SH3RF3: variants seen among roughly 807,000 people sequenced by gnomAD.
SH3RF3 encodes the protein E3 ubiquitin-protein ligase SH3RF3.
SH3RF3 carries 29 observed loss-of-function variants against 66.3 expected under a neutral mutation model. The ratio of observed to expected loss-of-function variants is 0.44; its 90% CI spans 0.33 to 0.60. The LOEUF (loss-of-function observed/expected upper bound fraction) is 0.60. Among genes scored for constraint, SH3RF3 ranks in the 20% least tolerant of loss-of-function variants. SH3RF3 has a pLI of 0.04. For synonymous variants in SH3RF3, 583 were observed against 532.0 expected (o/e 1.10, Z -1.32); for missense variants, 1,194 against 1,190.9 (o/e 1.00, Z -0.04).
At chr2:109,363,528 T>C (rs1362486100) in intron 2 of SH3RF3, among the ~76,000 whole-genome samples, 5 of 152,206 alleles carry the variant, frequency 3.3e-5, no homozygotes, top group African/African-American at 1.2e-4. Context: ...ATAAAAGTTT[T>C]AAGTTTACTG....
At chr2:109,275,074 C>A (rs1680722766) in intron 1 of SH3RF3, among the ~76,000 whole-genome samples, 1 of 152,174 alleles carries the variant, frequency 6.6e-6, no homozygotes, top group Admixed American at 6.5e-5. Flanking sequence ...CATCTCAGAA[C>A]AGCTTCCACC....
chr2:109,463,831 C>T (rs1302907093), intron 8 of SH3RF3, among the ~76,000 whole-genome samples: 2 of 152,102 alleles, frequency 1.3e-5, no homozygotes, highest in Admixed American at 6.6e-5. Context: ...CAGTGGAGGC[C>T]CCTTTCTCCC....
chr2:109,328,477 C>T lies in SH3RF3; in HGVS notation c.574-19197C>T, dbSNP rs545558235. ...TGTATTTCCTGTAAACTGGTAGTTA[C>T]ATCTGAGGACTTGGCTAGATTCATT... On this transcript the variant is annotated intron_variant, in intron 1 of 9. Coordinates refer to ENST00000309415, the MANE Select transcript of SH3RF3 (RefSeq NM_001099289.3). Among the ~76,000 whole-genome samples, 3 of 152,330 alleles carry T rather than the reference C, an allele frequency of 2.0e-5. No individual in the cohort carries two copies. The South Asian group carries it at 6.2e-4, about 32-fold the overall frequency.
At chr2:109,335,680 C>T (rs940156232) in intron 1 of SH3RF3, among the ~76,000 whole-genome samples, 5 of 152,146 alleles carry the variant, frequency 3.3e-5, no homozygotes, top group Admixed American at 2.6e-4. Context: ...AAACTCCACC[C>T]GGGTGGGGAC....
chr2:109,299,523 C>T (rs1039547274), intron 1 of SH3RF3, among the ~76,000 whole-genome samples: 1 of 152,062 alleles, frequency 6.6e-6, no homozygotes, highest in African/African-American at 2.4e-5. Flanking sequence ...AGCCTTGCAC[C>T]CCAGGACAGG....
At chr2:109,144,926 G>A (rs569524904) in intron 1 of SH3RF3, among the ~76,000 whole-genome samples, 4 of 152,334 alleles carry the variant, frequency 2.6e-5, no homozygotes, top group Non-Finnish European at 4.4e-5. Context: ...TGGACACTGC[G>A]CACTGTGGGG....
intron 1 of SH3RF3, among the ~76,000 whole-genome samples, chr2:109,233,424 A>G (rs975522064): frequency 1.3e-5 from 2 of 152,132 alleles, no homozygotes; most frequent in Admixed American, 1.3e-4. Flanking sequence ...CAATGTTCAG[A>G]CACTTCGTGT....
chr2:109,472,887 G>C (rs1436054363), intron 8 of SH3RF3, among the ~76,000 whole-genome samples: 2 of 152,178 alleles, frequency 1.3e-5, no homozygotes, highest in East Asian at 3.9e-4. Context: ...AGACAGCCCT[G>C]CTCCAGCCTC....
At chr2:109,161,363 G>A (rs1311662480) in intron 1 of SH3RF3, among the ~76,000 whole-genome samples, 1 of 152,022 alleles carries the variant, frequency 6.6e-6, no homozygotes, top group African/African-American at 2.4e-5. Flanking sequence ...CTACCAGCTG[G>A]GTGACTCCAG....
intron 4 of SH3RF3, among the ~76,000 whole-genome samples, chr2:109,399,334 C>G (rs79998163): frequency 6.6e-6 from 1 of 152,320 alleles, no homozygotes; most frequent in Non-Finnish European, 1.5e-5. Flanking sequence ...GCTAATTTCC[C>G]TTTCAAGAGA....
At chr2:109,252,921 G>T (rs578210385) in intron 1 of SH3RF3, among the ~76,000 whole-genome samples, 4 of 152,220 alleles carry the variant, frequency 2.6e-5, no homozygotes, top group Non-Finnish European at 4.4e-5. Context: ...TCAGCCCATC[G>T]TAAGTAGGGG....
chr2:109,423,995 G>A (rs1370472471), intron 5 of SH3RF3, among the ~76,000 whole-genome samples: 3 of 152,244 alleles, frequency 2.0e-5, no homozygotes, highest in Admixed American at 6.5e-5. Context: ...GGTCGGAGAC[G>A]TCTGGGCCGC....
At chr2:109,276,879 A>G (rs60564449) in intron 1 of SH3RF3, among the ~76,000 whole-genome samples, 6,089 of 148,312 alleles carry the variant, frequency 0.041, 402 homozygotes, top group African/African-American at 0.14. Flanking sequence ...ATTCACATGG[A>G]AAAAAAAATG....
At chr2:109,478,846 T>A (rs1283910600) in intron 8 of SH3RF3, among the ~76,000 whole-genome samples, 2 of 152,136 alleles carry the variant, frequency 1.3e-5, no homozygotes. Context: ...TAACAAATCA[T>A]CTCAAAACTC....
At chr2:109,480,256 C>G (rs1196617110) in intron 8 of SH3RF3, among the ~76,000 whole-genome samples, 1 of 152,262 alleles carries the variant, frequency 6.6e-6, no homozygotes, top group African/African-American at 2.4e-5. Context: ...GGCAAGGCGG[C>G]ATCTCCCAGG....
In SH3RF3 at chr2:109,490,629, A is replaced by G; in HGVS notation, c.2173A>G (p.Lys725Glu). The G allele has an allele frequency of 6.8e-7, 1 of 1,470,066 alleles. No individual in the cohort carries two copies. Among genetic ancestry groups the G allele is most frequent in the Non-Finnish European group, 9.0e-7 (1 of 1,108,286 alleles). The allele number at this position is 1,470,066 out of a possible 1,614,324, so 91.1% of individuals were successfully genotyped here. ...EKKEKKSGLLKLLAGASTKKK... is the reference protein window; with the variant it reads ...EKKEKKSGLLELLAGASTKKK... Reference sequence around the variant, plus strand: ...GAAAGAGAAGAAGAGTGGGCTCCTGAAGCTTCTAGCCGGAGCATCCACCAA... The same window carrying G: ...GAAAGAGAAGAAGAGTGGGCTCCTGGAGCTTCTAGCCGGAGCATCCACCAA... Residue 725 changes from lysine to glutamate, a missense_variant, in exon 9 of 10, where the codon AAG (lysine) becomes GAG (glutamate). Physicochemically the swap from Lys to Glu is moderately conservative, Grantham distance 56. Coordinates refer to ENST00000309415, the MANE Select transcript of SH3RF3 (RefSeq NM_001099289.3).
intron 3 of SH3RF3, among the ~76,000 whole-genome samples, chr2:109,381,002 G>A (rs1280323488): frequency 2.0e-5 from 3 of 152,226 alleles, no homozygotes; most frequent in Non-Finnish European, 4.4e-5. Flanking sequence ...AACTAAAATG[G>A]ACTACCTGTG....
chr2:109,487,335 G>A (rs1041334879), intron 8 of SH3RF3, among the ~76,000 whole-genome samples: 12 of 152,086 alleles, frequency 7.9e-5, no homozygotes, highest in Admixed American at 2.6e-4. Context: ...CACACGGGAC[G>A]ACCACCAGGG....
At chr2:109,327,058 G>GT (rs1682177337) in intron 1 of SH3RF3, among the ~76,000 whole-genome samples, 1 of 152,156 alleles carries the variant, frequency 6.6e-6, no homozygotes, top group African/African-American at 2.4e-5. Flanking sequence ...TAAATGGAAG[G>GT]TTTTTAAAAA....
Sources: allele counts gnomAD v4.1 joint callset (sites outside exome capture counted in the v4.1 genomes callset), GRCh38; gene constraint gnomAD v4.1.1; transcripts MANE v1.5; gene names NCBI Gene and HGNC (gene_info 2026-07-23, HGNC 2026-07-21).